The following CHEK1 variants were observed in gnomAD, a reference collection of about 807,000 sequenced individuals.
CHEK1 encodes serine/threonine-protein kinase Chk1.
Under a neutral mutation model 60.2 loss-of-function variants are expected in CHEK1, and 32 were observed. The observed-to-expected ratio is 0.53, with a 90% CI of 0.40 to 0.71. The LOEUF (loss-of-function observed/expected upper bound fraction) is 0.71. Among genes scored for constraint, CHEK1 ranks in the 30% least tolerant of loss-of-function variants. The pLI is 0.00. For synonymous variants in CHEK1, 179 were observed against 187.2 expected (o/e 0.96, Z 0.36); for missense variants, 399 against 564.6 (o/e 0.71, Z 2.97).
At chr11:125,663,486 TAGAG>T (rs1462121941) in intron 13 of CHEK1, among the ~76,000 whole-genome samples, 1 of 152,142 alleles carries the variant, frequency 6.6e-6, no homozygotes, top group Admixed American at 6.6e-5. Flanking sequence ...AATTTAATAT[TAGAG>T]AGCAGTTTTT....
chr11:125,665,540 T>C (rs1942084307), intron 13 of CHEK1, among the ~76,000 whole-genome samples: 1 of 152,148 alleles, frequency 6.6e-6, no homozygotes, highest in African/African-American at 2.4e-5. Context: ...TTTTGAGTAG[T>C]TTGGGTAGAA....
chr11:125,670,804 G>C (rs543815543), intron 13 of CHEK1, among the ~76,000 whole-genome samples: 1 of 152,266 alleles, frequency 6.6e-6, no homozygotes, highest in African/African-American at 2.4e-5. Context: ...TCTCTTTTTA[G>C]TGGTGACTTC....
chr11:125,642,755 A>G (rs3731446), intron 8 of CHEK1: 11,610 of 152,256 alleles, frequency 0.076, 521 homozygotes, highest in African/African-American at 0.12. Context: ...GAAAAGATGT[A>G]TAATAATACA....
At chr11:125,664,168 A>ATATCTCAATGTGG (rs1037447241) in intron 13 of CHEK1, among the ~76,000 whole-genome samples, 1 of 151,688 alleles carries the variant, frequency 6.6e-6, no homozygotes, top group South Asian at 2.1e-4. Context: ...AACAGGAGAG[A>ATATCTCAATGTGG]TATCTCAATG....
intron 8 of CHEK1, among the ~76,000 whole-genome samples, chr11:125,638,862 ACT>A (rs1363777973): frequency 6.6e-6 from 1 of 152,084 alleles, no homozygotes; most frequent in Non-Finnish European, 1.5e-5. Flanking sequence ...TCCTGACTTC[ACT>A]GTTTCTTGAC....
downstream of CHEK1, among the ~76,000 whole-genome samples, chr11:125,679,230 G>A (rs116796180): frequency 4.1e-5 from 3 of 73,222 alleles, no homozygotes; most frequent in Non-Finnish European, 8.5e-5. Flanking sequence ...TTTTTTTTTT[G>A]TTTCAAAGAT....
downstream of CHEK1, among the ~76,000 whole-genome samples, chr11:125,679,365 A>G (rs948405152): frequency 1.3e-5 from 2 of 151,808 alleles, no homozygotes; most frequent in Non-Finnish European, 1.5e-5. Flanking sequence ...TTACAGGTGC[A>G]TGCCACCATA....
downstream of CHEK1, chr11:125,678,130 CA>C (rs758858957): frequency 6.2e-7 from 1 of 1,614,082 alleles, no homozygotes. Flanking sequence ...TTGCTTGAAC[CA>C]TGCTCACTGG....
intron 13 of CHEK1, among the ~76,000 whole-genome samples, chr11:125,670,557 G>T (rs1942183461): frequency 6.6e-6 from 1 of 152,070 alleles, no homozygotes; most frequent in Non-Finnish European, 1.5e-5. Context: ...GCTTTCAGAT[G>T]TTATTGTTTT....
chr11:125,628,728 T>TA (rs1382407212), intron 3 of CHEK1, among the ~76,000 whole-genome samples: 3 of 152,222 alleles, frequency 2.0e-5, no homozygotes, highest in Non-Finnish European at 4.4e-5. Context: ...TACAGTAAGT[T>TA]ATGATCTCAC....
chr11:125,640,164 C>T (rs927088690), intron 8 of CHEK1, among the ~76,000 whole-genome samples: 6 of 152,138 alleles, frequency 3.9e-5, no homozygotes, highest in Non-Finnish European at 8.8e-5. Context: ...GAACGTGTTG[C>T]CAAGTTCAAT....
downstream of CHEK1, chr11:125,677,931 G>T (rs1342399981): frequency 6.2e-7 from 1 of 1,614,020 alleles, no homozygotes; most frequent in Non-Finnish European, 8.5e-7. Flanking sequence ...CTGTTCATCT[G>T]AAGGCTGTTC....
intron 10 of CHEK1, 53 bp from the exon 11 acceptor site, chr11:125,644,459 T>G: frequency 6.3e-7 from 1 of 1,582,048 alleles, no homozygotes; most frequent in Non-Finnish European, 8.6e-7. Context: ...GCTATGATAT[T>G]ACTGTCTTTA....
chr11:125,643,737 A>T, intron 8 of CHEK1, 55 bp from the exon 9 acceptor site: 1 of 1,401,352 alleles, frequency 7.1e-7, no homozygotes, highest in Non-Finnish European at 9.8e-7. Context: ...GGGTTAATTT[A>T]AAAACATACT....
chr11:125,677,604 A>G (rs1413924721), downstream of CHEK1, among the ~76,000 whole-genome samples: 1 of 152,100 alleles, frequency 6.6e-6, no homozygotes, highest in South Asian at 2.1e-4. Context: ...GGCCCTCCAT[A>G]TTGTTTAGCT....
At chr11:125,676,378 C>T (rs756928323), downstream of CHEK1, 1 of 1,614,170 alleles carries the variant, frequency 6.2e-7, no homozygotes, top group Non-Finnish European at 8.5e-7. Flanking sequence ...TCTTCTTTAA[C>T]ATGCACTGCT....
At chr11:125,637,419 C>G in intron 7 of CHEK1, 30 bp from the exon 8 acceptor site, 4 of 1,564,806 alleles carry the variant, frequency 2.6e-6, no homozygotes, top group South Asian at 2.4e-5. Flanking sequence ...ATGATTCTTT[C>G]GTGAATGTTG....
chr11:125,668,772 G>C (rs561641922), intron 13 of CHEK1, among the ~76,000 whole-genome samples: 1 of 152,170 alleles, frequency 6.6e-6, no homozygotes, highest in South Asian at 2.1e-4. Flanking sequence ...GCCCAGGCTG[G>C]TCTTGAACTT....
At chr11:125,636,635 G>A (rs949182876) in intron 7 of CHEK1, among the ~76,000 whole-genome samples, 10 of 151,632 alleles carry the variant, frequency 6.6e-5, no homozygotes, top group Non-Finnish European at 1.3e-4. Context: ...TACTAATGAA[G>A]TTGTATACCC....
Sources: allele counts gnomAD v4.1 joint callset (sites outside exome capture counted in the v4.1 genomes callset), GRCh38; gene constraint gnomAD v4.1.1; transcripts MANE v1.5; gene names NCBI Gene and HGNC (gene_info 2026-07-23, HGNC 2026-07-21).